Variants in CNTN1 observed in about 807,000 individuals in gnomAD.
CNTN1 encodes contactin-1.
CNTN1 carries 38 observed loss-of-function variants against 126.4 expected under a neutral mutation model. The ratio of observed to expected loss-of-function variants is 0.30; its 90% CI spans 0.23 to 0.39. The LOEUF (loss-of-function observed/expected upper bound fraction) is 0.39, where lower values mean the gene tolerates loss of function less well. Ranked by LOEUF, CNTN1 falls within the 10% of genes least tolerant of loss-of-function variation. The pLI is 1.00. For missense variants in CNTN1, 1,009 were observed against 1,248.4 expected, an observed-to-expected ratio of 0.81 and a Z score of 2.89; for synonymous variants, 413 against 422.6, an observed-to-expected ratio of 0.98 and a Z score of 0.28.
In CNTN1 at chr12:40,911,302, A is replaced by T. The variant is rs145885776; in HGVS notation, c.94+1197A>T. ...TCACCATATTAGCCAGGATGGTCTC[A>T]ATCTCCTGACCTCGTGATCCGCCCG... On this transcript the variant is annotated intron_variant, in intron 3 of 23. Transcript: ENST00000551295. 5.3e-5 allele frequency among the ~76,000 whole-genome samples: 8 copies of T among 152,084 alleles called. No homozygotes were observed. In the East Asian group the frequency reaches 9.7e-4, roughly 18 times the overall value.
intron 7 of CNTN1, 127 bp from the exon 8 acceptor site, chr12:40,933,334 G>A (rs1021883816): frequency 4.1e-6 from 3 of 726,074 alleles, no homozygotes; most frequent in Non-Finnish European, 7.5e-6. Context: ...ATTATGATAT[G>A]ACCTGTACCT....
intron 1 of CNTN1, among the ~76,000 whole-genome samples, chr12:40,787,004 C>G (rs537975050): frequency 1.3e-5 from 2 of 151,932 alleles, no homozygotes; most frequent in Non-Finnish European, 2.9e-5. Context: ...TTTATTCAAC[C>G]AATATTTGTC....
At chr12:40,762,417 G>A (rs1344304173) in intron 1 of CNTN1, among the ~76,000 whole-genome samples, 1 of 152,192 alleles carries the variant, frequency 6.6e-6, no homozygotes, top group South Asian at 2.1e-4. Flanking sequence ...CATCACCTTA[G>A]AAAACAGATT....
intron 1 of CNTN1, among the ~76,000 whole-genome samples, chr12:40,779,274 G>A (rs957161825): frequency 2.1e-4 from 32 of 151,702 alleles, no homozygotes; most frequent in African/African-American, 3.1e-4. Flanking sequence ...AAATTTCCCC[G>A]TCTGTTTGTG....
chr12:40,724,667 G>A (rs1167117743), intron 1 of CNTN1, among the ~76,000 whole-genome samples: 1 of 152,084 alleles, frequency 6.6e-6, no homozygotes, highest in Non-Finnish European at 1.5e-5. Flanking sequence ...ACTTACTTTG[G>A]TTCAAAAGAT....
At chr12:40,914,319 G>A (rs895010473) in intron 3 of CNTN1, among the ~76,000 whole-genome samples, 2 of 152,264 alleles carry the variant, frequency 1.3e-5, no homozygotes, top group South Asian at 4.1e-4. Context: ...AGTTGAGCTA[G>A]CGTGGTCGGA....
At chr12:40,872,121 C>T (rs895638918) in intron 1 of CNTN1, among the ~76,000 whole-genome samples, 7 of 151,216 alleles carry the variant, frequency 4.6e-5, no homozygotes, top group African/African-American at 7.3e-5. Context: ...TTATAAATAC[C>T]AAATGAATTT....
At chr12:40,724,371 T>A (rs1471317625) in intron 1 of CNTN1, among the ~76,000 whole-genome samples, 1 of 152,186 alleles carries the variant, frequency 6.6e-6, no homozygotes, top group Non-Finnish European at 1.5e-5. Context: ...CTCATCCAAC[T>A]ACTGATTTCT....
At chr12:40,892,083 G>C (rs1046878114) in intron 1 of CNTN1, among the ~76,000 whole-genome samples, 2 of 152,012 alleles carry the variant, frequency 1.3e-5, no homozygotes, top group African/African-American at 4.8e-5. Context: ...TTCCATACTA[G>C]AGCCCTGTCT....
chr12:41,007,478 A>G (rs1033783914), intron 17 of CNTN1, among the ~76,000 whole-genome samples: 8 of 152,328 alleles, frequency 5.3e-5, no homozygotes, highest in Non-Finnish European at 1.2e-4. Context: ...AACTTAGGAC[A>G]TGGACTCACA....
chr12:40,943,684 CAG>C lies in CNTN1; in HGVS notation c.1470_1471del (p.Gly491GlufsTer3). 6.2e-7 allele frequency: 1 copy of C among 1,612,526 alleles called. No homozygotes were observed. Among genetic ancestry groups the C allele is most frequent in the Non-Finnish European group, 8.5e-7 (1 of 1,179,038 alleles). ...TCTATACATGCTTTGCAGAAAATAACAGAGGGAAAGCTAATAGCACTGGAACC... is the reference window on the plus strand; with the variant it reads ...TCTATACATGCTTTGCAGAAAATAACAGGGAAAGCTAATAGCACTGGAACC... ...GIYTCFAENN[R>X]GKANSTGTLV... On this transcript the variant is annotated frameshift_variant, in exon 13 of 24. Transcript: ENST00000551295. LOFTEE classifies it high-confidence loss of function.
At chr12:40,830,791 GTATATATATATATATATATATATATATA>G (rs10592423) in intron 1 of CNTN1, among the ~76,000 whole-genome samples, 5 of 75,822 alleles carry the variant, frequency 6.6e-5, no homozygotes, top group African/African-American at 1.6e-4. Flanking sequence ...AAAGTATAGT[GTATATATATATATATATATATATATATA>G]TATATATATA....
At chr12:40,865,023 G>A (rs1943250746) in intron 1 of CNTN1, among the ~76,000 whole-genome samples, 1 of 152,066 alleles carries the variant, frequency 6.6e-6, no homozygotes, top group Non-Finnish European at 1.5e-5. Context: ...TTTTATTAAA[G>A]CCATCATAGT....
intron 16 of CNTN1, among the ~76,000 whole-genome samples, chr12:40,989,363 A>G (rs1461323073): frequency 1.3e-5 from 2 of 152,202 alleles, no homozygotes; most frequent in Admixed American, 1.3e-4. Context: ...AAAGCATACA[A>G]AGCGGCAGTG....
chr12:40,914,448 G>C (rs1020681352), intron 3 of CNTN1, among the ~76,000 whole-genome samples: 2 of 152,032 alleles, frequency 1.3e-5, no homozygotes, highest in African/African-American at 4.8e-5. Context: ...GCCCAAATAT[G>C]TTCCTAAAAT....
intron 15 of CNTN1, among the ~76,000 whole-genome samples, chr12:40,965,431 A>G (rs963582541): frequency 2.0e-5 from 3 of 152,196 alleles, no homozygotes; most frequent in African/African-American, 7.2e-5. Flanking sequence ...TATCAAGTCT[A>G]TTCTGGAGCT....
chr12:41,061,767 A>G, intron 23 of CNTN1: 1 of 455,824 alleles, frequency 2.2e-6, no homozygotes, highest in African/African-American at 2.0e-5. Context: ...TACAGAAGGA[A>G]AATCCACATC....
chr12:40,953,991 G>A (rs575136155), intron 14 of CNTN1, among the ~76,000 whole-genome samples: 1 of 152,110 alleles, frequency 6.6e-6, no homozygotes, highest in Admixed American at 6.5e-5. Context: ...ATTTTTTGTT[G>A]TAAAGTTCAA....
At chr12:40,886,290 C>T (rs979706045) in intron 1 of CNTN1, among the ~76,000 whole-genome samples, 1 of 152,044 alleles carries the variant, frequency 6.6e-6, no homozygotes, top group Admixed American at 6.6e-5. Context: ...CAGCGATGGG[C>T]CCTGTCTTCA....
Sources: allele counts gnomAD v4.1 joint callset (sites outside exome capture counted in the v4.1 genomes callset), GRCh38; gene constraint gnomAD v4.1.1; transcripts MANE v1.5; gene names NCBI Gene and HGNC (gene_info 2026-07-23, HGNC 2026-07-21).